FLG: variants seen among roughly 807,000 people sequenced by gnomAD.
The protein encoded by FLG is filaggrin.
In FLG, 6 loss-of-function variants were observed where a neutral mutation model predicts 3.8. The observed-to-expected ratio is 1.60, with a 90% confidence interval of 0.87 to 3.15. FLG has a LOEUF of 3.15. Among genes scored for constraint, FLG ranks in the 30% most tolerant of loss-of-function variants. The probability of loss-of-function intolerance (pLI) is 0.00; values close to 1 mark genes in which losing one functional copy is unlikely to be tolerated. For missense variants in FLG, 7,595 were observed against 5,050.9 expected, an observed-to-expected ratio of 1.50 and a Z score of -15.27; for synonymous variants, 2,551 against 1,931.6, an observed-to-expected ratio of 1.32 and a Z score of -8.41.
rs748772539 is a variant in FLG at position 152,308,140 on chromosome 1, C to A, written c.6746G>T (p.Ser2249Ile). The A allele has an allele frequency of 1.2e-6, 2 of 1,614,088 alleles. No homozygotes were observed. The highest frequency in any genetic ancestry group is 2.2e-5 in the East Asian group (1 of 44,848). The change falls in exon 3 of 3, where the codon AGT (serine) becomes ATT (isoleucine). Residue 2249 changes from serine (S) to isoleucine (I), a missense_variant. By Grantham distance (142) the Ser-to-Ile change is moderately radical. Coordinates refer to ENST00000368799, the MANE Select transcript of FLG (RefSeq NM_002016.2). ...CTCAGAATCTTCTGAGTGTCCCTCA[C>A]TGTCACTGTCCTGGCTAACACTGGA... is the stretch of plus-strand genomic sequence containing the variant. ...RGSSVSQDSDSEGHSEDSERR... is the reference protein window; with the variant it reads ...RGSSVSQDSDIEGHSEDSERR...
At position 152,308,907 on chromosome 1, in the gene FLG, G is replaced by A; in HGVS notation, c.5979C>T (p.Ser1993=). Residue 1993 remains serine (S), a synonymous_variant, in exon 3 of 3, where the codon TCC becomes TCT. Coordinates refer to ENST00000368799, the MANE Select transcript of FLG (RefSeq NM_002016.2). ...CTGCACTTGATCTTGCCTGTTCATG[G>A]GATGACGCAGCCTGTCCACGAGAGG... ...ESSSRGQAAS[S]HEQARSSAGE... is the part of the protein sequence containing the mutation. The A allele has an allele frequency of 6.2e-7, 1 of 1,614,174 alleles. No individual in the cohort carries two copies. Among genetic ancestry groups the A allele is most frequent in the Non-Finnish European group, 8.5e-7 (1 of 1,180,010 alleles).
In FLG at chr1:152,313,912, G is replaced by A. The variant is rs75429799; in HGVS notation, c.974C>T (p.Ala325Val). 8.0e-3 allele frequency: 12,876 copies of A among 1,613,758 alleles called. 734 individuals are homozygous for A. In the African/African-American group the frequency reaches 0.13, roughly 17 times the overall value. ...GSASRNHHGSAWEQSRDGSRH... is the reference protein window; with the variant it reads ...GSASRNHHGSVWEQSRDGSRH... ...GGAGCCATCTCTTGACTGCTCCCAC[G>A]CAGATCCATGATGGTTTCTGGAAGC... The change falls in exon 3 of 3, where the codon GCG becomes GTG. Residue 325 changes from alanine to valine, a missense_variant. Ala to Val is a moderately conservative substitution (Grantham distance 64, BLOSUM62 0). Transcript: ENST00000368799.
chr1:152,318,604 A>C (rs1652863184), intron 1 of FLG, among the ~76,000 whole-genome samples: 1 of 151,840 alleles, frequency 6.6e-6, no homozygotes, highest in African/African-American at 2.4e-5. Context: ...AGGCAATGTC[A>C]TTGGATCCCA....
Position 152,303,556 on chromosome 1 carries a change from G to T in FLG, c.11330C>A (p.Ser3777Ter). The T allele has an allele frequency of 6.2e-7, 1 of 1,614,016 alleles. No individual in the cohort carries two copies. Among genetic ancestry groups the T allele is most frequent in the African/African-American group, 1.3e-5 (1 of 74,998 alleles). ...CCCTGAGTGTCCAGACCTATCTACC[G>T]ATTGCTCGTGGTAGGATCCCTGTCT... ...GGRQGSYHEQ[S>*]VDRSGHSGSH... The change falls in exon 3 of 3, where the codon TCG (serine) becomes TAG (stop). Residue 3777 changes from serine (S) to a stop codon, truncating the protein, a stop_gained. Coordinates refer to ENST00000368799, the MANE Select transcript of FLG (RefSeq NM_002016.2). LOFTEE classifies it low-confidence loss of function (END_TRUNC).
In FLG at chr1:152,304,767, A is replaced by T. The variant is rs757040434; in HGVS notation, c.10119T>A (p.Arg3373=). ...PHQQSHQESA[R]DRSGGRSGRS... Reference sequence around the variant, plus strand: ...GTCCAGACCTTCCCCCTGACCGGTCACGTGCGGACTCTTGGTGGCTCTGCT... The same window carrying T: ...GTCCAGACCTTCCCCCTGACCGGTCTCGTGCGGACTCTTGGTGGCTCTGCT... The change falls in exon 3 of 3, where the codon CGT becomes CGA. Residue 3373 remains arginine (R), a synonymous_variant. Transcript: ENST00000368799. 4.1e-5 allele frequency: 66 copies of T among 1,613,088 alleles called. No individual in the cohort carries two copies. Among genetic ancestry groups the T allele is most frequent in the Non-Finnish European group, 5.3e-5 (62 of 1,179,778 alleles).
chr1:152,317,861 A>C (rs1318055792), intron 1 of FLG, among the ~76,000 whole-genome samples: 1 of 152,010 alleles, frequency 6.6e-6, no homozygotes, highest in African/African-American at 2.4e-5. Context: ...AAAATGTCGC[A>C]CACCCGTTAT....
chr1:152,304,572 C>G lies in FLG; in HGVS notation c.10314G>C (p.Pro3438=), dbSNP rs3120643. Residue 3438 remains proline, a synonymous_variant, in exon 3 of 3, where the codon CCG becomes CCC. Coordinates refer to ENST00000368799, the MANE Select transcript of FLG (RefSeq NM_002016.2). ...QEGQDTIRGH[P]GSSRRGRQGS... ...CCTGCCTTCCTCTTCTGCTTGACCC[C>G]GGGTGTCCACGAATGGTGTCCTGAC... 1.5e-3 allele frequency: 2,391 copies of G among 1,610,034 alleles called. 36 individuals carry two copies. In the African/African-American group the frequency reaches 0.03, roughly 20 times the overall value.
rs760407365 is a variant in FLG at position 152,311,230 on chromosome 1, T to C, written c.3656A>G (p.Gln1219Arg). The C allele has an allele frequency of 3.1e-6, 5 of 1,613,586 alleles. No homozygotes were observed. The African/African-American group carries it at 6.7e-5, about 22-fold the overall frequency. ...TCCTGATTGTTTGTCCTTACGAGTT[T>C]GTCTGCTTGCACTTCTGGATCCTGA... ...GQSGSRSASR[Q>R]TRKDKQSGDG... Residue 1219 changes from glutamine to arginine, a missense_variant, in exon 3 of 3, where the codon CAA becomes CGA. By Grantham distance (43) the Gln-to-Arg change is conservative. Transcript: ENST00000368799.
rs1033418056 is a variant in FLG at position 152,302,854 on chromosome 1, C to T, written c.12032G>A (p.Arg4011Lys). Residue 4011 changes from arginine to lysine, a missense_variant, in exon 3 of 3, where the codon AGA becomes AAA. Coordinates refer to ENST00000368799, the MANE Select transcript of FLG (RefSeq NM_002016.2). ...YNSNPVVFKE[R>K]SDICKASAFG... is the part of the protein sequence containing the mutation. ...CGCACTTGCTTTACAGATATCAGAT[C>T]TTTCCTTGAAAACAACAGGATTGGA... 1.2e-6 allele frequency: 2 copies of T among 1,614,188 alleles called. No homozygotes were observed. Among genetic ancestry groups the T allele is most frequent in the Non-Finnish European group, 1.7e-6 (2 of 1,180,030 alleles).
rs781052754 is a variant in FLG at position 152,312,041 on chromosome 1, C to G, written c.2845G>C (p.Asp949His). The change falls in exon 3 of 3, where the codon GAC becomes CAC. Residue 949 changes from aspartate to histidine, a missense_variant. Asp to His is a moderately conservative substitution (Grantham distance 81, BLOSUM62 -1). Coordinates refer to ENST00000368799, the MANE Select transcript of FLG (RefSeq NM_002016.2). The part of the protein sequence containing the change: ...SRRQGSSVSQ[D>H]SDSEGHSEDS... ...TCTGAATGTCCCTCACTGTCACTGTCCTGGCTAACACTGGATCCCTGGCGC... is the reference window on the plus strand; with the variant it reads ...TCTGAATGTCCCTCACTGTCACTGTGCTGGCTAACACTGGATCCCTGGCGC... 2 of 1,614,158 alleles carry G rather than the reference C, an allele frequency of 1.2e-6. No homozygotes were observed. The highest frequency in any genetic ancestry group is 1.7e-6 in the Non-Finnish European group (2 of 1,180,036).
rs1366715355 is a variant in FLG, at chr1:152,313,133, C to A, written c.1753G>T (p.Gly585Trp). 1 of 1,613,768 alleles carries A rather than the reference C, an allele frequency of 6.2e-7. No individual in the cohort carries two copies. The highest frequency in any genetic ancestry group is 1.3e-5 in the African/African-American group (1 of 74,764). Reference protein sequence around the residue: ...EQSGDGTRHSGSRHHEASSQA... With the variant: ...EQSGDGTRHSWSRHHEASSQA... ...GAGGAAGCTTCATGATGACGTGACC[C>A]TGAGTGCCTGGTGCCGTCTCCTGAT... The change falls in exon 3 of 3, where the codon GGG becomes TGG. Residue 585 changes from glycine to tryptophan, a missense_variant. Physicochemically the swap from Gly to Trp is radical, Grantham distance 184. Coordinates refer to ENST00000368799, the MANE Select transcript of FLG (RefSeq NM_002016.2).
At position 152,309,518 on chromosome 1, in the gene FLG, G is replaced by A. The variant is rs200622741; in HGVS notation, c.5368C>T (p.Gln1790Ter). The change falls in exon 3 of 3, where the codon CAA becomes TAA. Residue 1790 changes from glutamine (Q) to a stop codon, truncating the protein, a stop_gained. Transcript: ENST00000368799. LOFTEE classifies it low-confidence loss of function (END_TRUNC). ...CGTGCCTGCTCGTGGCGGGATCTTT[G>A]TCTTCCTCCAGTGCTGGGCCCTGTG... is the stretch of plus-strand genomic sequence containing the variant. ...GRTGPSTGGR[Q>*]RSRHEQARDS... 36 of 1,613,798 alleles carry A rather than the reference G, an allele frequency of 2.2e-5. No individual in the cohort carries two copies. In the East Asian group the frequency reaches 7.8e-4, roughly 35 times the overall value.
Position 152,308,129 on chromosome 1 carries a change from A to T in FLG, c.6757T>A (p.Ser2253Thr), listed in dbSNP as rs753902944. The change falls in exon 3 of 3, where the codon TCA becomes ACA. Residue 2253 changes from serine to threonine, a missense_variant. Physicochemically the swap from Ser to Thr is moderately conservative, Grantham distance 58. Coordinates refer to ENST00000368799, the MANE Select transcript of FLG (RefSeq NM_002016.2). ...CCAGACCGCCTCTCAGAATCTTCTGAGTGTCCCTCACTGTCACTGTCCTGG... is the reference window on the plus strand; with the variant it reads ...CCAGACCGCCTCTCAGAATCTTCTGTGTGTCCCTCACTGTCACTGTCCTGG... ...VSQDSDSEGH[S>T]EDSERRSGSA... 5.0e-6 allele frequency: 8 copies of T among 1,613,708 alleles called. No homozygotes were observed. The highest frequency in any genetic ancestry group is 4.0e-5 in the African/African-American group (3 of 74,774).
chr1:152,322,782 C>G (rs151179202), intron 1 of FLG, among the ~76,000 whole-genome samples: 3 of 151,264 alleles, frequency 2.0e-5, no homozygotes, highest in African/African-American at 4.8e-5. Flanking sequence ...GTCTAAATAG[C>G]ATTAAGATAT....
At chr1:152,322,360 A>T (rs1169106312) in intron 1 of FLG, among the ~76,000 whole-genome samples, 1 of 151,280 alleles carries the variant, frequency 6.6e-6, no homozygotes, top group African/African-American at 2.4e-5. Flanking sequence ...TAACTTTTGT[A>T]TGTGGAAAAT....
chr1:152,309,934 C>T lies in FLG; in HGVS notation c.4952G>A (p.Arg1651Lys). Residue 1651 changes from arginine to lysine, a missense_variant, in exon 3 of 3, where the codon AGA becomes AAA. Physicochemically the swap from Arg to Lys is conservative, Grantham distance 26. Transcript: ENST00000368799. ...ASHGHSAESSRQSGTRHAETS... is the reference protein window; with the variant it reads ...ASHGHSAESSKQSGTRHAETS... ...CTCTGCATGACGAGTGCCTGATTGTCTGGAGCTCTCTGCAGAGTGCCCATG... is the reference window on the plus strand; with the variant it reads ...CTCTGCATGACGAGTGCCTGATTGTTTGGAGCTCTCTGCAGAGTGCCCATG... 2 of 1,614,162 alleles carry T rather than the reference C, an allele frequency of 1.2e-6. No homozygotes were observed. Among genetic ancestry groups the T allele is most frequent in the African/African-American group, 1.3e-5 (1 of 75,022 alleles).
chr1:152,315,399 T>C lies in FLG; in HGVS notation c.58A>G (p.Lys20Glu), dbSNP rs751162672. 12 of 1,612,252 alleles carry C rather than the reference T, an allele frequency of 7.4e-6. No individual in the cohort carries two copies. The South Asian group carries it at 1.2e-4, about 16-fold the overall frequency. ...AIINLFKQYSKKDKNTDTLSK... is the reference protein window; with the variant it reads ...AIINLFKQYSEKDKNTDTLSK... Reference sequence around the variant, plus strand: ...AATGTGTCAGTGTTTTTATCTTTTTTTGAATATTGCTTGAAAAGATTAATT... The same window carrying C: ...AATGTGTCAGTGTTTTTATCTTTTTCTGAATATTGCTTGAAAAGATTAATT... The change falls in exon 2 of 3, where the codon AAA becomes GAA. Residue 20 changes from lysine (K) to glutamate (E), a missense_variant. By Grantham distance (56) the Lys-to-Glu change is moderately conservative. Transcript: ENST00000368799.
At position 152,303,494 on chromosome 1, in the gene FLG, C is replaced by A. The variant is rs1651729254; in HGVS notation, c.11392G>T (p.Asp3798Tyr). The A allele has an allele frequency of 1.2e-6, 2 of 1,613,994 alleles. No homozygotes were observed. The highest frequency in any genetic ancestry group is 1.1e-5 in the South Asian group (1 of 91,064). The change falls in exon 3 of 3, where the codon GAT becomes TAT. Residue 3798 changes from aspartate (D) to tyrosine (Y), a missense_variant. Asp to Tyr is a radical substitution (Grantham distance 160). Transcript: ENST00000368799. ...HSHTTSQGRS[D>Y]ASHGQSGSRS... is the part of the protein sequence containing the mutation. ...GATCCTGACTGCCCATGGGAGGCAT[C>A]AGACCTTCCCTGGGATGTGGTGTGG... is the stretch of plus-strand genomic sequence containing the variant.
In FLG at chr1:152,303,295, C is replaced by G; in HGVS notation, c.11591G>C (p.Ser3864Thr). ...GTATGCCTCACTGTCACTGTCCTGG[C>G]TAACACTGGATCCCTGGCGCCTGCT... ...RRSRRQGSSV[S>T]QDSDSEAYPE... is the part of the protein sequence containing the mutation. The change falls in exon 3 of 3, where the codon AGC becomes ACC. Residue 3864 changes from serine to threonine, a missense_variant. By Grantham distance (58) the Ser-to-Thr change is moderately conservative. Coordinates refer to ENST00000368799, the MANE Select transcript of FLG (RefSeq NM_002016.2). 1.9e-6 allele frequency: 3 copies of G among 1,614,096 alleles called. No homozygotes were observed. The highest frequency in any genetic ancestry group is 2.5e-6 in the Non-Finnish European group (3 of 1,180,018).
Sources: allele counts gnomAD v4.1 joint callset (sites outside exome capture counted in the v4.1 genomes callset), GRCh38; gene constraint gnomAD v4.1.1; transcripts MANE v1.5; gene names NCBI Gene and HGNC (gene_info 2026-07-23, HGNC 2026-07-21).